Variants in BLK observed in about 807,000 individuals in gnomAD.
The protein encoded by BLK is BLK proto-oncogene, Src family tyrosine kinase.
BLK carries 64 observed loss-of-function variants against 61.8 expected under a neutral mutation model. The ratio of observed to expected loss-of-function variants is 1.03; its 90% CI spans 0.85 to 1.27. BLK has a LOEUF of 1.27. Ranked by LOEUF, BLK falls within the 50% of genes most tolerant of loss-of-function variation. The pLI, the probability that BLK is intolerant of heterozygous loss-of-function variation, is 0.00. For missense variants in BLK, 853 were observed against 660.5 expected, an observed-to-expected ratio of 1.29 and a Z score of -3.19; for synonymous variants, 351 against 272.0, an observed-to-expected ratio of 1.29 and a Z score of -2.86.
intron 1 of BLK, among the ~76,000 whole-genome samples, chr8:11,499,012 T>G (rs1053618252): frequency 5.9e-5 from 9 of 151,846 alleles, no homozygotes; most frequent in East Asian, 3.8e-4. Context: ...GAGCATGGTG[T>G]TGTTGTTTCT....
At chr8:11,508,534 C>A (rs574796552) in intron 1 of BLK, among the ~76,000 whole-genome samples, 1 of 152,262 alleles carries the variant, frequency 6.6e-6, no homozygotes, top group Non-Finnish European at 1.5e-5. Context: ...CAGCCCCCAC[C>A]CGTGGCTTTT....
intron 1 of BLK, among the ~76,000 whole-genome samples, chr8:11,510,094 T>A (rs1301564513): frequency 6.6e-6 from 1 of 152,202 alleles, no homozygotes; most frequent in South Asian, 2.1e-4. Flanking sequence ...CAGGTGATGA[T>A]TGAAAAAATA....
intron 1 of BLK, among the ~76,000 whole-genome samples, chr8:11,533,498 A>G (rs1323686023): frequency 6.6e-6 from 1 of 152,022 alleles, no homozygotes; most frequent in Non-Finnish European, 1.5e-5. Context: ...GATACGTGTG[A>G]ACCTCCGTGG....
chr8:11,548,883 C>T (rs903220869), intron 4 of BLK, 141 bp from the exon 5 acceptor site: 1 of 791,824 alleles, frequency 1.3e-6, no homozygotes, highest in South Asian at 1.5e-5. Context: ...TGGGCACAAG[C>T]CCCTTCCTGC....
Position 11,555,479 on chromosome 8 carries a change from G to C in BLK, c.767G>C (p.Trp256Ser). ...GGGTCTGGACAATTCGGCGAAGTCT[G>C]GATGGGTGAGTGTGTGCACACGTGG... is the stretch of plus-strand genomic sequence containing the variant. ...KLGSGQFGEV[W>S]MGYYKNNMKV... Residue 256 changes from tryptophan (W) to serine (S), a missense_variant, in exon 8 of 13, where the codon TGG (tryptophan) becomes TCG (serine). Transcript: ENST00000259089. The C allele has an allele frequency of 1.2e-6, 2 of 1,614,152 alleles. No homozygotes were observed. Among genetic ancestry groups the C allele is most frequent in the South Asian group, 2.2e-5 (2 of 91,082 alleles).
chr8:11,527,608 G>C (rs1218014351), intron 1 of BLK, among the ~76,000 whole-genome samples: 4 of 151,964 alleles, frequency 2.6e-5, no homozygotes, highest in African/African-American at 9.7e-5. Context: ...GGTGGGCAGG[G>C]TAATAGATAA....
chr8:11,558,945 C>T lies in BLK; in HGVS notation c.1029+907C>T, dbSNP rs190047729. 65 of 456,156 alleles carry T rather than the reference C, an allele frequency of 1.4e-4. No homozygotes were observed. In the East Asian group the frequency reaches 1.7e-3, roughly 12 times the overall value. The allele number at this position is 456,156 out of a possible 1,614,324, so 28.3% of individuals were successfully genotyped here. On this transcript the variant is annotated intron_variant, in intron 10 of 12. Transcript: ENST00000259089. ...GCCGCTGCAGGAACTGATGCCACAA[C>T]GCCTTTTTCCGCTGAGGTGGGCAGA...
At chr8:11,513,350 A>G (rs1278966661) in intron 1 of BLK, among the ~76,000 whole-genome samples, 1 of 152,132 alleles carries the variant, frequency 6.6e-6, no homozygotes, top group Non-Finnish European at 1.5e-5. Flanking sequence ...CATAGTGGAG[A>G]CTGAGAGGGA....
intron 1 of BLK, among the ~76,000 whole-genome samples, chr8:11,516,697 G>C (rs1799242935): frequency 6.6e-6 from 1 of 152,176 alleles, no homozygotes; most frequent in Non-Finnish European, 1.5e-5. Flanking sequence ...GTCCTTTTGT[G>C]TCTGGCCAAT....
intron 5 of BLK, 91 bp from the exon 6 acceptor site, chr8:11,550,068 T>C (rs1465610670): frequency 2.6e-6 from 3 of 1,162,826 alleles, no homozygotes; most frequent in South Asian, 1.2e-5. Flanking sequence ...TTTTTATTTC[T>C]TGGGGACAGG....
At position 11,564,203 on chromosome 8, in the gene BLK, TG is replaced by T; in HGVS notation, c.*96del. The T allele has an allele frequency of 2.1e-6, 3 of 1,422,990 alleles. No homozygotes were observed. The highest frequency in any genetic ancestry group is 2.9e-6 in the Non-Finnish European group (3 of 1,047,326). 88.1% of individuals were successfully genotyped at this position (1,422,990 alleles called of 1,614,324 possible). The stretch of plus-strand genomic sequence containing the variant: ...CGGGCCGCGAAGGCGGGGTGTCGCC[TG>T]TGCCCTTTTCTCAGACCCGGAATCC... On this transcript the variant is annotated 3_prime_UTR_variant, in exon 13 of 13. Transcript: ENST00000259089.
Position 11,517,663 on chromosome 8 carries a change from C to T in BLK, c.-2+23072C>T, listed in dbSNP as rs1161497660. Among the ~76,000 whole-genome samples, 7 of 152,282 alleles carry T rather than the reference C, an allele frequency of 4.6e-5. 1 individual carries two copies. The Middle Eastern group carries it at 0.017, about 370-fold the overall frequency. On this transcript the variant is annotated intron_variant, in intron 1 of 12. Coordinates refer to ENST00000259089, the MANE Select transcript of BLK (RefSeq NM_001715.3). ...ATGTTGGGGGCCAGGAGACAGCCAC[C>T]CAGACCTTGACAAGGCAGGGGACGG...
chr8:11,507,804 C>A (rs1291956985), intron 1 of BLK, among the ~76,000 whole-genome samples: 1 of 152,136 alleles, frequency 6.6e-6, no homozygotes. Flanking sequence ...GAAGAGATTG[C>A]TAAAGACAGT....
chr8:11,532,309 C>T (rs542418715), intron 1 of BLK, among the ~76,000 whole-genome samples: 11 of 151,786 alleles, frequency 7.2e-5, no homozygotes, highest in Admixed American at 4.6e-4. Context: ...AGCAATTCTC[C>T]TGCCTCAGGC....
intron 2 of BLK, among the ~76,000 whole-genome samples, chr8:11,544,485 C>T (rs1246492994): frequency 1.3e-5 from 2 of 152,126 alleles, no homozygotes; most frequent in Middle Eastern, 3.2e-3. Context: ...ATCTGTGTCC[C>T]AGTTTAGCGC....
chr8:11,512,117 G>A (rs967874225), intron 1 of BLK, among the ~76,000 whole-genome samples: 1 of 152,182 alleles, frequency 6.6e-6, no homozygotes, highest in Non-Finnish European at 1.5e-5. Context: ...AAGAGCTCAG[G>A]AGGAGTCTGG....
At chr8:11,554,717 C>T (rs367864951) in intron 6 of BLK, 26 bp from the exon 7 acceptor site, 46 of 1,611,304 alleles carry the variant, frequency 2.9e-5, no homozygotes, top group South Asian at 2.7e-4. Context: ...CCTTACTTCT[C>T]GTGTGTGTCT....
intron 1 of BLK, among the ~76,000 whole-genome samples, chr8:11,522,158 T>C (rs1248751111): frequency 6.6e-6 from 1 of 152,142 alleles, no homozygotes; most frequent in South Asian, 2.1e-4. Context: ...CTAGGTAAAT[T>C]ATGTGTTTAG....
intron 1 of BLK, among the ~76,000 whole-genome samples, chr8:11,519,148 C>G (rs761443953): frequency 1.3e-5 from 2 of 152,188 alleles, no homozygotes; most frequent in Non-Finnish European, 2.9e-5. Flanking sequence ...CAGCTGTGGC[C>G]TCCAGCATGT....
Sources: allele counts gnomAD v4.1 joint callset (sites outside exome capture counted in the v4.1 genomes callset), GRCh38; gene constraint gnomAD v4.1.1; transcripts MANE v1.5; gene names NCBI Gene and HGNC (gene_info 2026-07-23, HGNC 2026-07-21).